Variants in CAMK1D observed in about 807,000 individuals in gnomAD.
CAMK1D encodes calcium/calmodulin dependent protein kinase ID, also known as calcium/calmodulin-dependent protein kinase type 1D.
A neutral mutation model predicts 47.7 loss-of-function variants in CAMK1D; 9 were observed. The observed-to-expected ratio is 0.19, with a 90% confidence interval of 0.11 to 0.33. The LOEUF is 0.33. Among genes scored for constraint, CAMK1D ranks in the 10% least tolerant of loss-of-function variants. CAMK1D has a pLI of 1.00. For missense variants in CAMK1D, 291 were observed against 488.7 expected (o/e 0.60, Z 3.81); for synonymous variants, 184 against 184.9 (o/e 0.99, Z 0.04).
intron 1 of CAMK1D, 23 bp from the exon 2 acceptor site, chr10:12,553,202 C>T: frequency 6.2e-7 from 1 of 1,611,492 alleles, no homozygotes; most frequent in Non-Finnish European, 8.5e-7. Flanking sequence ...TCTAAGTGTT[C>T]TTTTTTCCTT....
intron 2 of CAMK1D, among the ~76,000 whole-genome samples, chr10:12,598,347 G>C (rs1838203544): frequency 6.6e-6 from 1 of 152,214 alleles, no homozygotes; most frequent in Non-Finnish European, 1.5e-5. Flanking sequence ...TCCTGCAGCT[G>C]TTCTCCAGCA....
intron 1 of CAMK1D, among the ~76,000 whole-genome samples, chr10:12,371,923 TC>T (rs1838017850): frequency 6.6e-6 from 1 of 152,038 alleles, no homozygotes; most frequent in South Asian, 2.1e-4. Context: ...AGCCTTGGCC[TC>T]CCAAAGTGTT....
intron 1 of CAMK1D, among the ~76,000 whole-genome samples, chr10:12,359,665 A>G (rs1186982000): frequency 6.6e-6 from 1 of 151,920 alleles, no homozygotes; most frequent in Admixed American, 6.6e-5. Context: ...CTTTGATTCA[A>G]CATGCTTTTC....
chr10:12,354,892 AGT>A (rs1269353062), intron 1 of CAMK1D, among the ~76,000 whole-genome samples: 1 of 141,526 alleles, frequency 7.1e-6, no homozygotes. Context: ...CTCAGGCTGG[AGT>A]GCGGTGGTGC....
At chr10:12,406,722 CAAAAAAAAAAAAAAA>C (rs3061400) in intron 1 of CAMK1D, among the ~76,000 whole-genome samples, 70 of 69,222 alleles carry the variant, frequency 1.0e-3, no homozygotes, top group South Asian at 1.2e-3. Flanking sequence ...GACCCTGTCT[CAAAAAAAAAAAAAAA>C]AAAAAAAAAA....
chr10:12,561,870 A>G (rs1836954982), intron 2 of CAMK1D, among the ~76,000 whole-genome samples: 1 of 152,224 alleles, frequency 6.6e-6, no homozygotes, highest in Non-Finnish European at 1.5e-5. Context: ...GAAGGAAAAT[A>G]CAGTTGGTTA....
intron 2 of CAMK1D, among the ~76,000 whole-genome samples, chr10:12,609,588 C>T (rs942402770): frequency 2.1e-4 from 32 of 152,262 alleles, no homozygotes; most frequent in African/African-American, 6.3e-4. Context: ...CTCGCATGCG[C>T]AGTTCACAAT....
chr10:12,426,788 C>T (rs1840248385), intron 1 of CAMK1D, among the ~76,000 whole-genome samples: 1 of 152,080 alleles, frequency 6.6e-6, no homozygotes, highest in Admixed American at 6.5e-5. Flanking sequence ...TATCTTGGCT[C>T]ACTGCAACCT....
intron 1 of CAMK1D, among the ~76,000 whole-genome samples, chr10:12,437,024 C>T (rs1832652987): frequency 6.6e-6 from 1 of 152,062 alleles, no homozygotes; most frequent in Admixed American, 6.6e-5. Flanking sequence ...GGGGTGGGCA[C>T]ACAGGGCAAG....
Position 12,354,598 on chromosome 10 carries a change from G to T in CAMK1D, c.92+4688G>T, listed in dbSNP as rs569967502. 4.6e-5 allele frequency among the ~76,000 whole-genome samples: 7 copies of T among 151,688 alleles called. No individual in the cohort carries two copies. The South Asian group carries it at 1.2e-3, about 27-fold the overall frequency. Reference sequence around the variant, plus strand: ...TAATTTTTTTGTATTTTTTAGTAGAGACGGGATTTCACCATTTTGGCCAAG... The same window carrying T: ...TAATTTTTTTGTATTTTTTAGTAGATACGGGATTTCACCATTTTGGCCAAG... On this transcript the variant is annotated intron_variant, in intron 1 of 10. Transcript: ENST00000619168.
chr10:12,570,207 GTA>G (rs200602286), intron 2 of CAMK1D, among the ~76,000 whole-genome samples: 1 of 151,442 alleles, frequency 6.6e-6, no homozygotes, highest in East Asian at 1.9e-4. Context: ...CTCAAAAAAA[GTA>G]TATATATATA....
rs547351553 is a variant in CAMK1D at position 12,517,709 on chromosome 10, T to A, written c.93-35516T>A. ...GAATGTTGAACCCGCTTTGTATTCTTGAAATGCATATCACGTAGTTGTGGT... is the reference window on the plus strand; with the variant it reads ...GAATGTTGAACCCGCTTTGTATTCTAGAAATGCATATCACGTAGTTGTGGT... On this transcript the variant is annotated intron_variant, in intron 1 of 10. Coordinates refer to ENST00000619168, the MANE Select transcript of CAMK1D (RefSeq NM_153498.4). Among the ~76,000 whole-genome samples, 3 of 151,752 alleles carry A rather than the reference T, an allele frequency of 2.0e-5. No homozygotes were observed. In the East Asian group the frequency reaches 5.8e-4, roughly 29 times the overall value.
intron 3 of CAMK1D, among the ~76,000 whole-genome samples, chr10:12,687,330 C>A (rs894249566): frequency 1.3e-5 from 2 of 151,814 alleles, no homozygotes; most frequent in Admixed American, 6.6e-5. Context: ...CACAATGCCT[C>A]CTGCGTTGTG....
At chr10:12,448,311 C>T (rs1208335149) in intron 1 of CAMK1D, among the ~76,000 whole-genome samples, 2 of 151,788 alleles carry the variant, frequency 1.3e-5, no homozygotes, top group Non-Finnish European at 2.9e-5. Flanking sequence ...AAGCGTGAGC[C>T]ACGATGCCTG....
At chr10:12,753,387 A>G (rs918766871) in intron 3 of CAMK1D, among the ~76,000 whole-genome samples, 1 of 152,232 alleles carries the variant, frequency 6.6e-6, no homozygotes, top group Non-Finnish European at 1.5e-5. Flanking sequence ...GGGCTATGCC[A>G]TGTCAGTGAC....
At chr10:12,527,219 A>G (rs1835652881) in intron 1 of CAMK1D, among the ~76,000 whole-genome samples, 1 of 151,850 alleles carries the variant, frequency 6.6e-6, no homozygotes, top group Non-Finnish European at 1.5e-5. Flanking sequence ...AAAGAAAAAA[A>G]TTTCCTGGGC....
intron 1 of CAMK1D, among the ~76,000 whole-genome samples, chr10:12,358,626 C>T (rs914463172): frequency 5.9e-5 from 9 of 152,024 alleles, no homozygotes; most frequent in African/African-American, 2.2e-4. Context: ...TTGCTGAGGC[C>T]GGGTAAAGGA....
At chr10:12,646,982 T>C (rs551951141) in intron 2 of CAMK1D, among the ~76,000 whole-genome samples, 2 of 146,616 alleles carry the variant, frequency 1.4e-5, no homozygotes, top group South Asian at 2.2e-4. Flanking sequence ...GCTGGGATTA[T>C]AGGGCATGTG....
rs765833267 is a variant in CAMK1D, at chr10:12,726,647, A to G, written c.300-34301A>G. Among the ~76,000 whole-genome samples, 24 of 152,202 alleles carry G rather than the reference A, an allele frequency of 1.6e-4. 1 individual carries two copies. Among genetic ancestry groups the G allele is most frequent in the Admixed American group, 1.6e-3 (24 of 15,278 alleles). On this transcript the variant is annotated intron_variant, in intron 3 of 10. Coordinates refer to ENST00000619168, the MANE Select transcript of CAMK1D (RefSeq NM_153498.4). ...TGTATATAGTGCAAGGCTGTGCTCA[A>G]CGCTTTATAGAATTCATTAAATTCT...
Sources: allele counts gnomAD v4.1 joint callset (sites outside exome capture counted in the v4.1 genomes callset), GRCh38; gene constraint gnomAD v4.1.1; transcripts MANE v1.5; gene names NCBI Gene and HGNC (gene_info 2026-07-23, HGNC 2026-07-21).